Variants in PDE7B observed in about 807,000 individuals in gnomAD.
The protein encoded by PDE7B is phosphodiesterase 7B, also known as 3',5'-cyclic-AMP phosphodiesterase 7B.
A neutral mutation model predicts 56.2 loss-of-function variants in PDE7B; 29 were observed. The observed-to-expected ratio is 0.52, with a 90% confidence interval of 0.38 to 0.70. The LOEUF is 0.70. Ranked by LOEUF, PDE7B falls within the 30% of genes least tolerant of loss-of-function variation. PDE7B has a pLI of 0.00. For synonymous variants in PDE7B, 197 were observed against 196.9 expected, an observed-to-expected ratio of 1.00 and a Z score of 0.00; for missense variants, 490 against 565.0, an observed-to-expected ratio of 0.87 and a Z score of 1.35.
intron 1 of PDE7B, among the ~76,000 whole-genome samples, chr6:135,928,574 T>C (rs1472232783): frequency 1.4e-5 from 2 of 144,942 alleles, no homozygotes; most frequent in Non-Finnish European, 3.0e-5. Context: ...TATACATATA[T>C]ACACACACAT....
At chr6:135,984,826 G>A (rs4075418) in intron 2 of PDE7B, among the ~76,000 whole-genome samples, 43,163 of 151,910 alleles carry the variant, frequency 0.28, 7,446 homozygotes, top group Admixed American at 0.41. Context: ...GGTGGGGGAC[G>A]TGTATACAGA....
chr6:136,054,784 G>A (rs912007289), intron 2 of PDE7B, among the ~76,000 whole-genome samples: 3 of 152,116 alleles, frequency 2.0e-5, no homozygotes, highest in Non-Finnish European at 4.4e-5. Flanking sequence ...TTTTCACATG[G>A]CTAGGGAGGC....
At chr6:136,034,090 AATAG>A (rs1776287054) in intron 2 of PDE7B, 1 of 152,218 alleles carries the variant, frequency 6.6e-6, no homozygotes, top group African/African-American at 2.4e-5. Flanking sequence ...AGAATCTATT[AATAG>A]ATTCAAAGTG....
At chr6:136,075,320 G>T (rs1777111901) in intron 2 of PDE7B, among the ~76,000 whole-genome samples, 1 of 152,178 alleles carries the variant, frequency 6.6e-6, no homozygotes. Context: ...ATTTCAAAGT[G>T]CTAGGCAAAG....
At chr6:136,007,265 G>A (rs564327967) in intron 2 of PDE7B, among the ~76,000 whole-genome samples, 2 of 152,242 alleles carry the variant, frequency 1.3e-5, no homozygotes, top group South Asian at 4.1e-4. Flanking sequence ...AAGCCTACTT[G>A]ATTATGATGG....
At chr6:135,954,716 G>T (rs1159334958) in intron 2 of PDE7B, among the ~76,000 whole-genome samples, 1 of 152,148 alleles carries the variant, frequency 6.6e-6, no homozygotes, top group Non-Finnish European at 1.5e-5. Context: ...CTGTTTATGG[G>T]AATATACAGA....
intron 1 of PDE7B, among the ~76,000 whole-genome samples, chr6:135,940,670 G>A (rs1774492487): frequency 6.6e-6 from 1 of 152,214 alleles, no homozygotes; most frequent in African/African-American, 2.4e-5. Context: ...GGAAAAGTGT[G>A]AGATGAGAAG....
intron 3 of PDE7B, among the ~76,000 whole-genome samples, chr6:136,143,113 G>GCTT (rs1420708587): frequency 6.6e-6 from 1 of 152,062 alleles, no homozygotes; most frequent in Non-Finnish European, 1.5e-5. Flanking sequence ...CATGTTTAGT[G>GCTT]CTTCCTTCAG....
At chr6:136,149,197 G>T in intron 5 of PDE7B, 47 bp downstream of exon 5, 1 of 1,252,476 alleles carries the variant, frequency 8.0e-7, no homozygotes, top group Non-Finnish European at 1.2e-6. Context: ...CCATAAAGTG[G>T]GATTAATTTC....
intron 1 of PDE7B, among the ~76,000 whole-genome samples, chr6:135,868,744 T>C (rs968901800): frequency 3.3e-5 from 5 of 152,226 alleles, no homozygotes; most frequent in African/African-American, 4.8e-5. Flanking sequence ...TGGGGAGTAC[T>C]TGTGTAATGA....
intron 2 of PDE7B, among the ~76,000 whole-genome samples, chr6:135,987,126 A>C (rs1010062448): frequency 5.3e-5 from 8 of 152,218 alleles, no homozygotes; most frequent in Non-Finnish European, 8.8e-5. Flanking sequence ...CTTCCAAACA[A>C]CAAAGTGATC....
intron 5 of PDE7B, among the ~76,000 whole-genome samples, 196 bp downstream of exon 5, chr6:136,149,346 T>G (rs1464683417): frequency 1.3e-5 from 2 of 152,220 alleles, no homozygotes; most frequent in Non-Finnish European, 2.9e-5. Context: ...AATTTGACCT[T>G]AGAATCTTAG....
At chr6:136,166,548 T>TAG (rs1030256967) in intron 8 of PDE7B, 2 of 153,078 alleles carry the variant, frequency 1.3e-5, no homozygotes, top group Non-Finnish European at 2.9e-5. Flanking sequence ...CTCACACGGC[T>TAG]AGAGCAGGAG....
intron 1 of PDE7B, among the ~76,000 whole-genome samples, chr6:135,865,834 TA>T (rs1022157110): frequency 5.3e-5 from 8 of 152,182 alleles, no homozygotes; most frequent in African/African-American, 1.9e-4. Flanking sequence ...GGTTGGCACT[TA>T]ATAAGAAGTC....
chr6:135,961,766 A>G (rs1774907047), intron 2 of PDE7B, among the ~76,000 whole-genome samples: 1 of 152,204 alleles, frequency 6.6e-6, no homozygotes. Flanking sequence ...TGTCGACCTA[A>G]TTAATTTTCA....
chr6:136,115,988 G>T (rs1301519312), intron 3 of PDE7B, among the ~76,000 whole-genome samples: 1 of 152,170 alleles, frequency 6.6e-6, no homozygotes, highest in African/African-American at 2.4e-5. Flanking sequence ...GAAACTATGA[G>T]ATATTCTGCT....
At chr6:135,859,820 G>A in intron 1 of PDE7B, among the ~76,000 whole-genome samples, 1 of 151,722 alleles carries the variant, frequency 6.6e-6, no homozygotes, top group South Asian at 2.1e-4. Context: ...TAAGTCTTTA[G>A]AAACCAAATA....
chr6:136,037,718 C>G (rs1486423112), intron 2 of PDE7B: 1 of 985,320 alleles, frequency 1.0e-6, no homozygotes, highest in Non-Finnish European at 1.2e-6. Flanking sequence ...GGGGGGAGCC[C>G]CTCTGTGAGG....
chr6:136,089,475 A>G (rs1249757728), intron 2 of PDE7B, among the ~76,000 whole-genome samples: 1 of 152,246 alleles, frequency 6.6e-6, no homozygotes, highest in Non-Finnish European at 1.5e-5. Flanking sequence ...TCTCAGAGAA[A>G]GATGCAATTG....
Sources: allele counts gnomAD v4.1 joint callset (sites outside exome capture counted in the v4.1 genomes callset), GRCh38; gene constraint gnomAD v4.1.1; transcripts MANE v1.5; gene names NCBI Gene and HGNC (gene_info 2026-07-23, HGNC 2026-07-21).